TBC1D22A: variants seen among roughly 807,000 people sequenced by gnomAD.
TBC1D22A encodes putative GTPase activator.
In TBC1D22A, 38 loss-of-function variants were observed where a neutral mutation model predicts 60.2. The ratio of observed to expected loss-of-function variants is 0.63; its 90% confidence interval spans 0.49 to 0.83. The LOEUF (loss-of-function observed/expected upper bound fraction) is 0.83. Ranked by LOEUF, TBC1D22A falls within the 40% of genes least tolerant of loss-of-function variation. The pLI, the probability that TBC1D22A is intolerant of heterozygous loss-of-function variation, is 0.00. For synonymous variants in TBC1D22A, 302 were observed against 281.7 expected, an observed-to-expected ratio of 1.07 and a Z score of -0.72; for missense variants, 628 against 701.0, an observed-to-expected ratio of 0.90 and a Z score of 1.18.
intron 12 of TBC1D22A, among the ~76,000 whole-genome samples, chr22:47,129,784 C>CA (rs1437237604): frequency 1.3e-5 from 2 of 152,166 alleles, no homozygotes; most frequent in Non-Finnish European, 2.9e-5. Flanking sequence ...AGACTTTGAC[C>CA]AAAAAAGAGC....
chr22:47,090,912 G>T (rs1196576642), intron 11 of TBC1D22A, among the ~76,000 whole-genome samples: 1 of 133,112 alleles, frequency 7.5e-6, no homozygotes. Flanking sequence ...GTCGTCTTTG[G>T]GGGGGTGTGG....
In TBC1D22A at chr22:47,162,897, C is replaced by T. The variant is rs572981973; in HGVS notation, c.1426-10601C>T. On this transcript the variant is annotated intron_variant, in intron 12 of 12. Transcript: ENST00000337137. The stretch of plus-strand genomic sequence containing the variant: ...GGTCTTGATATGTAGGCCCTCCCCT[C>T]GAGCAGGATTTAAAGCACACACCAT... Among the ~76,000 whole-genome samples, 124 of 152,236 alleles carry T rather than the reference C, an allele frequency of 8.1e-4. 1 individual carries two copies. Among genetic ancestry groups the T allele is most frequent in the Middle Eastern group, 3.4e-3 (1 of 294 alleles).
At chr22:47,114,250 G>C (rs999804221) in intron 12 of TBC1D22A, among the ~76,000 whole-genome samples, 7 of 151,854 alleles carry the variant, frequency 4.6e-5, no homozygotes, top group African/African-American at 1.7e-4. Flanking sequence ...AGGGTGTGGG[G>C]TGTGGGGTGT....
chr22:46,766,881 T>G (rs1227017700), intron 1 of TBC1D22A, among the ~76,000 whole-genome samples: 1 of 152,170 alleles, frequency 6.6e-6, no homozygotes, highest in African/African-American at 2.4e-5. Flanking sequence ...CCCCCTTTTT[T>G]GCATCAAACT....
At chr22:46,800,442 C>T (rs2084847484) in intron 4 of TBC1D22A, among the ~76,000 whole-genome samples, 1 of 152,072 alleles carries the variant, frequency 6.6e-6, no homozygotes, top group Non-Finnish European at 1.5e-5. Flanking sequence ...CATGCCAGTG[C>T]CCCTTCTCTG....
chr22:46,878,453 T>C (rs2147492343), intron 4 of TBC1D22A, among the ~76,000 whole-genome samples, 200 bp from the exon 5 acceptor site: 1 of 150,778 alleles, frequency 6.6e-6, no homozygotes, highest in Admixed American at 6.6e-5. Context: ...AGGTAACCTG[T>C]AGCTTGGTTT....
chr22:47,082,136 C>T (rs543828922), intron 11 of TBC1D22A, among the ~76,000 whole-genome samples: 11 of 152,052 alleles, frequency 7.2e-5, no homozygotes, highest in South Asian at 4.2e-4. Context: ...CCAGCCTGGG[C>T]GACAGAGCAA....
intron 1 of TBC1D22A, among the ~76,000 whole-genome samples, chr22:46,784,339 G>A (rs1569026838): frequency 6.6e-6 from 1 of 152,200 alleles, no homozygotes; most frequent in Non-Finnish European, 1.5e-5. Context: ...GGGATTACAG[G>A]TGTGAGCCAC....
At position 46,792,589 on chromosome 22, in the gene TBC1D22A, C is replaced by G. The variant is rs1358235477; in HGVS notation, c.119+13C>G. On this transcript the variant is annotated intron_variant, in intron 2 of 12. Coordinates refer to ENST00000337137, the MANE Select transcript of TBC1D22A (RefSeq NM_014346.5). ...TGTTACATGGCACGTAAGTGACGTT[C>G]CAACCTCACTTGGCGTCTCGGCTCT... 4 of 1,614,128 alleles carry G rather than the reference C, an allele frequency of 2.5e-6. No individual in the cohort carries two copies. The East Asian group carries it at 8.9e-5, about 36-fold the overall frequency.
At chr22:46,781,142 T>TG (rs1276275752) in intron 1 of TBC1D22A, among the ~76,000 whole-genome samples, 8 of 144,384 alleles carry the variant, frequency 5.5e-5, no homozygotes, top group Non-Finnish European at 1.1e-4. Flanking sequence ...CCAATTTTGT[T>TG]TTTTTTTTTT....
At chr22:46,834,762 T>A (rs1477515031) in intron 4 of TBC1D22A, among the ~76,000 whole-genome samples, 1 of 152,222 alleles carries the variant, frequency 6.6e-6, no homozygotes, top group African/African-American at 2.4e-5. Context: ...AGGATCTGTT[T>A]GCTGCAGACA....
At chr22:47,033,062 G>C (rs2062534377) in intron 10 of TBC1D22A, among the ~76,000 whole-genome samples, 1 of 152,240 alleles carries the variant, frequency 6.6e-6, no homozygotes, top group Non-Finnish European at 1.5e-5. Context: ...CTGTGCAAAA[G>C]AGCCTTGTTG....
At position 46,868,901 on chromosome 22, in the gene TBC1D22A, C is replaced by T. The variant is rs117502253; in HGVS notation, c.638-9752C>T. 8.0e-3 allele frequency among the ~76,000 whole-genome samples: 1,207 copies of T among 151,460 alleles called. 12 individuals carry two copies. The highest frequency in any genetic ancestry group is 0.014 in the Non-Finnish European group (942 of 67,986). On this transcript the variant is annotated intron_variant, in intron 4 of 12. Coordinates refer to ENST00000337137, the MANE Select transcript of TBC1D22A (RefSeq NM_014346.5). ...GTTTTATCCTAGAGTTGTTCATTTG[C>T]GGGGTGAGGTGGGGGAGCTCACTGT... is the stretch of plus-strand genomic sequence containing the variant.
At chr22:47,087,129 T>G (rs1050177700) in intron 11 of TBC1D22A, among the ~76,000 whole-genome samples, 5 of 152,238 alleles carry the variant, frequency 3.3e-5, no homozygotes, top group African/African-American at 1.2e-4. Context: ...TACCTGTTGA[T>G]TGGTTGGCAG....
chr22:46,798,631 G>A (rs1173917898), intron 4 of TBC1D22A, among the ~76,000 whole-genome samples: 2 of 152,262 alleles, frequency 1.3e-5, no homozygotes, highest in Non-Finnish European at 2.9e-5. Context: ...CTAGGTGTTT[G>A]CTAGACGCTG....
chr22:46,775,182 T>G (rs1408328185), intron 1 of TBC1D22A, among the ~76,000 whole-genome samples: 2 of 152,184 alleles, frequency 1.3e-5, no homozygotes, highest in Non-Finnish European at 1.5e-5. Flanking sequence ...TTGGTGTCAC[T>G]GTGGCTCTCT....
intron 1 of TBC1D22A, among the ~76,000 whole-genome samples, chr22:46,774,629 G>C (rs753032825): frequency 1.3e-5 from 2 of 152,234 alleles, no homozygotes; most frequent in Admixed American, 6.5e-5. Flanking sequence ...TCTGCCTTCC[G>C]TAAACGGCCT....
rs8137655 is a variant in TBC1D22A, at chr22:47,163,433, C to T, written c.1426-10065C>T. ...AACCAAAGGTCCCTGGTTGCAGTGT[C>T]GAGACAGGCAGGGCCTCCTGGAGCA... On this transcript the variant is annotated intron_variant, in intron 12 of 12. Transcript: ENST00000337137. Among the ~76,000 whole-genome samples, 1,089 of 152,348 alleles carry T rather than the reference C, an allele frequency of 7.1e-3. 14 individuals are homozygous for T. The highest frequency in any genetic ancestry group is 0.025 in the African/African-American group (1,032 of 41,576).
chr22:46,916,765 C>T (rs997338340), intron 8 of TBC1D22A, among the ~76,000 whole-genome samples: 1 of 152,204 alleles, frequency 6.6e-6, no homozygotes, highest in Non-Finnish European at 1.5e-5. Flanking sequence ...CAGCCGTGTG[C>T]AAAGCATGTG....
Sources: allele counts gnomAD v4.1 joint callset (sites outside exome capture counted in the v4.1 genomes callset), GRCh38; gene constraint gnomAD v4.1.1; transcripts MANE v1.5; gene names NCBI Gene and HGNC (gene_info 2026-07-23, HGNC 2026-07-21).